The following KIF1C variants were observed in gnomAD, a reference collection of about 807,000 sequenced individuals.
KIF1C encodes kinesin family member 1C.
In KIF1C, 61 loss-of-function variants were observed where a neutral mutation model predicts 126.5. The observed-to-expected ratio is 0.48, with a 90% CI of 0.39 to 0.60. KIF1C has a LOEUF of 0.60. KIF1C is among the 20% of genes least tolerant of loss of function. KIF1C has a pLI of 0.00. For synonymous variants in KIF1C, 640 were observed against 580.6 expected (o/e 1.10, Z -1.47); for missense variants, 1,315 against 1,489.2 (o/e 0.88, Z 1.93).
chr17:5,000,279 G>A lies in KIF1C; in HGVS notation c.33G>A (p.Arg11=). The A allele has an allele frequency of 1.9e-6, 3 of 1,584,868 alleles. No individual in the cohort carries two copies. The highest frequency in any genetic ancestry group is 2.6e-6 in the Non-Finnish European group (3 of 1,166,864). The change falls in exon 3 of 23, where the codon AGG becomes AGA. Residue 11 remains arginine, a synonymous_variant. Coordinates refer to ENST00000320785, the MANE Select transcript of KIF1C (RefSeq NM_006612.6). ...GTGCCTCGGTGAAAGTGGCAGTGAG[G>A]GTTCGGCCCTTTAACGCCCGTGAGA... is the stretch of plus-strand genomic sequence containing the variant. The part of the protein sequence containing the change: MAGASVKVAV[R]VRPFNARETS...
Position 5,022,243 on chromosome 17 carries a change from C to A in KIF1C, c.2162C>A (p.Ala721Asp). ...CGLPSSGKRR[A>D]PRRVYQIPQR... ...CTGCCCAGCAGTGGCAAGCGCAGGG[C>A]CCCTCGCAGGGTTTATCAGATCCCC... Residue 721 changes from alanine (A) to aspartate (D), a missense_variant, in exon 22 of 23, where the codon GCC (alanine) becomes GAC (aspartate). Ala to Asp is a moderately radical substitution (Grantham distance 126). Coordinates refer to ENST00000320785, the MANE Select transcript of KIF1C (RefSeq NM_006612.6). The surrounding 1 kb of genome is among the most constrained non-coding windows in gnomAD (Gnocchi z 4.9). 1 of 1,614,138 alleles carries A rather than the reference C, an allele frequency of 6.2e-7. No individual in the cohort carries two copies. Among genetic ancestry groups the A allele is most frequent in the Admixed American group, 1.7e-5 (1 of 60,026 alleles).
In KIF1C at chr17:5,025,663, T is replaced by TA. The variant is rs1026666958; in HGVS notation, c.*1519dup. 21 of 151,872 alleles carry TA rather than the reference T, an allele frequency of 1.4e-4. No individual in the cohort carries two copies. Among genetic ancestry groups the TA allele is most frequent in the African/African-American group, 4.8e-4 (20 of 41,390 alleles). The allele number at this position is 151,872 out of a possible 1,614,324, so 9.4% of individuals were successfully genotyped here. On this transcript the variant is annotated 3_prime_UTR_variant, in exon 23 of 23. Coordinates refer to ENST00000320785, the MANE Select transcript of KIF1C (RefSeq NM_006612.6). ...ACCCCATCTCTACTAAAAATAAAAA[T>TA]AAAAAAATTAGCCGGGCATGGTGGC...
intron 11 of KIF1C, 133 bp from the exon 12 acceptor site, chr17:5,004,434 C>A: frequency 1.2e-6 from 1 of 800,440 alleles, no homozygotes. Flanking sequence ...AGCTCCACCC[C>A]GCTAGACTCC....
In KIF1C at chr17:5,020,372, C is replaced by G. The variant is rs1975060713; in HGVS notation, c.1751-120C>G. On this transcript the variant is annotated intron_variant, in intron 19 of 22. Transcript: ENST00000320785. The surrounding 1 kb of genome is among the most constrained non-coding windows in gnomAD (Gnocchi z 5.8). The stretch of plus-strand genomic sequence containing the variant: ...AGCATAGGCTCCAACTGCCTTCAGA[C>G]TTGGGGTGATGAAGGGGAGGGTGTC... 1.9e-6 allele frequency: 2 copies of G among 1,051,424 alleles called. No homozygotes were observed. The highest frequency in any genetic ancestry group is 2.7e-6 in the Non-Finnish European group (2 of 730,052). 65.1% of individuals were successfully genotyped at this position (1,051,424 alleles called of 1,614,324 possible).
chr17:5,013,507 T>G, intron 16 of KIF1C, 146 bp from the exon 17 acceptor site: 1 of 631,964 alleles, frequency 1.6e-6, no homozygotes, highest in Non-Finnish European at 2.8e-6. Context: ...ATGGGAGGAG[T>G]ACAGAGGGCA....
In KIF1C at chr17:5,003,701, T is replaced by G; in HGVS notation, c.798+12T>G. The stretch of plus-strand genomic sequence containing the variant: ...GCATGCGCCTGAAGGTGAGGGGCCT[T>G]CAGAGGGTGGTTTGTTGTGGGGCAG... On this transcript the variant is annotated intron_variant, in intron 9 of 22. Transcript: ENST00000320785. The G allele has an allele frequency of 6.2e-7, 1 of 1,611,908 alleles. No individual in the cohort carries two copies. The highest frequency in any genetic ancestry group is 1.1e-5 in the South Asian group (1 of 90,928).
chr17:4,998,319 C>T (rs1974443785), intron 1 of KIF1C, among the ~76,000 whole-genome samples, 163 bp downstream of exon 1: 1 of 152,160 alleles, frequency 6.6e-6, no homozygotes, highest in Non-Finnish European at 1.5e-5. Context: ...GGGCGGCCGC[C>T]GGCTGGCTGG....
chr17:5,018,730 C>T (rs1975030363), intron 18 of KIF1C, among the ~76,000 whole-genome samples: 1 of 151,942 alleles, frequency 6.6e-6, no homozygotes, highest in African/African-American at 2.4e-5. Flanking sequence ...AAAGAAAAGC[C>T]ATCCATCACG....
At position 5,024,009 on chromosome 17, in the gene KIF1C, A is replaced by G. The variant is rs1163172391; in HGVS notation, c.3170A>G (p.Lys1057Arg). The G allele has an allele frequency of 6.3e-7, 1 of 1,597,472 alleles. No homozygotes were observed. The highest frequency in any genetic ancestry group is 1.3e-5 in the African/African-American group (1 of 74,194). The change falls in exon 23 of 23, where the codon AAG (lysine) becomes AGG (arginine). Residue 1057 changes from lysine to arginine, a missense_variant. By Grantham distance (26) the Lys-to-Arg change is conservative. This residue lies in a region of KIF1C where 441 missense variants were observed against 436.1 expected (regional missense o/e 1.01). Coordinates refer to ENST00000320785, the MANE Select transcript of KIF1C (RefSeq NM_006612.6). ...QPEPQHFQPK[K>R]HNSYPQPPQP... is the part of the protein sequence containing the mutation. The stretch of plus-strand genomic sequence containing the variant: ...GAACCCCAGCACTTCCAGCCCAAAA[A>G]GCACAACTCTTATCCCCAGCCACCC...
At chr17:5,001,566 G>A (rs577981205) in intron 5 of KIF1C, among the ~76,000 whole-genome samples, 165 bp downstream of exon 5, 52 of 150,658 alleles carry the variant, frequency 3.5e-4, no homozygotes, top group South Asian at 2.3e-3. Context: ...TCTGGGGTGG[G>A]AGGGTCTTCG....
At chr17:5,004,157 C>A in intron 11 of KIF1C, 84 bp downstream of exon 11, 2 of 994,680 alleles carry the variant, frequency 2.0e-6, no homozygotes, top group African/African-American at 1.6e-5. Context: ...CCTTGCTATG[C>A]CGAGAATCCC....
At chr17:5,008,310 G>A (rs978408143) in intron 16 of KIF1C, among the ~76,000 whole-genome samples, 8 of 152,224 alleles carry the variant, frequency 5.3e-5, no homozygotes, top group Admixed American at 3.3e-4. Context: ...ACTGGATATA[G>A]ACAGCCAGCA....
rs1041350713 is a variant in KIF1C at position 5,000,473 on chromosome 17, C to A, written c.106+121C>A. 5.4e-6 allele frequency: 4 copies of A among 746,106 alleles called. No homozygotes were observed. In the African/African-American group the frequency reaches 6.9e-5, roughly 13 times the overall value. 46.2% of individuals were successfully genotyped at this position (746,106 alleles called of 1,614,324 possible). A position where few individuals can be genotyped will look rare whatever the true frequency, so the allele number is the denominator to read the frequency against. On this transcript the variant is annotated intron_variant, in intron 3 of 22. Transcript: ENST00000320785. ...TGCTGGGCACAGAGCAGGTGCTAGTCGTAAGGGCGGGGGCTGGGGCAGGCT... is the reference window on the plus strand; with the variant it reads ...TGCTGGGCACAGAGCAGGTGCTAGTAGTAAGGGCGGGGGCTGGGGCAGGCT...
In KIF1C at chr17:5,024,183, G is replaced by A. The variant is rs766845412; in HGVS notation, c.*32G>A. The A allele has an allele frequency of 7.3e-6, 11 of 1,514,846 alleles. No individual in the cohort carries two copies. The East Asian group carries it at 2.3e-4, about 32-fold the overall frequency. The allele number at this position is 1,514,846 out of a possible 1,614,324, so 93.8% of individuals were successfully genotyped here. ...CATCCTGGGCAGAGGGCCTGGTGGGGCCCCTTGCTAGGAGAAGGGAAGACG... is the reference window on the plus strand; with the variant it reads ...CATCCTGGGCAGAGGGCCTGGTGGGACCCCTTGCTAGGAGAAGGGAAGACG... On this transcript the variant is annotated 3_prime_UTR_variant, in exon 23 of 23. Coordinates refer to ENST00000320785, the MANE Select transcript of KIF1C (RefSeq NM_006612.6).
At chr17:5,005,278 A>C (rs910302889) in intron 13 of KIF1C, among the ~76,000 whole-genome samples, 1 of 152,240 alleles carries the variant, frequency 6.6e-6, no homozygotes, top group African/African-American at 2.4e-5. Flanking sequence ...ATGGCAATAT[A>C]TGCTTACAGG....
At chr17:5,009,210 T>C (rs1261717369) in intron 16 of KIF1C, among the ~76,000 whole-genome samples, 1 of 151,592 alleles carries the variant, frequency 6.6e-6, no homozygotes, top group Non-Finnish European at 1.5e-5. Context: ...GACGGGGTCT[T>C]GTACTGTCAC....
chr17:5,016,316 T>C (rs1307514985), intron 18 of KIF1C, among the ~76,000 whole-genome samples: 2 of 151,802 alleles, frequency 1.3e-5, no homozygotes, highest in Non-Finnish European at 2.9e-5. Context: ...TTTGTATTTT[T>C]AGTAGAAACA....
chr17:5,001,102 G>A (rs1230041545), intron 4 of KIF1C, 120 bp from the exon 5 acceptor site: 9 of 1,095,358 alleles, frequency 8.2e-6, no homozygotes, highest in Non-Finnish European at 1.2e-5. Flanking sequence ...ATGAGGGTGG[G>A]AGGGCACACA....
At position 5,007,013 on chromosome 17, in the gene KIF1C, G is replaced by A. The variant is rs761088146; in HGVS notation, c.1264G>A (p.Glu422Lys). ...CTCATCACCCACCACACATAATGGG[G>A]AGCTGGAGCCGTCATTCTCCCCCAA... ...SPSSPTTHNGELEPSFSPNTE... is the reference protein window; with the variant it reads ...SPSSPTTHNGKLEPSFSPNTE... The change falls in exon 14 of 23, where the codon GAG becomes AAG. Residue 422 changes from glutamate (E) to lysine (K), a missense_variant. Physicochemically the swap from Glu to Lys is moderately conservative, Grantham distance 56. Coordinates refer to ENST00000320785, the MANE Select transcript of KIF1C (RefSeq NM_006612.6). 1 of 1,610,384 alleles carries A rather than the reference G, an allele frequency of 6.2e-7. No homozygotes were observed. The highest frequency in any genetic ancestry group is 2.2e-5 in the East Asian group (1 of 44,830).
Sources: allele counts gnomAD v4.1 joint callset (sites outside exome capture counted in the v4.1 genomes callset), GRCh38; gene constraint gnomAD v4.1.1; regional missense constraint gnomAD v4.1.1; non-coding constraint Gnocchi (gnomAD v3.1); transcripts MANE v1.5; gene names NCBI Gene and HGNC (gene_info 2026-07-23, HGNC 2026-07-21).